SELENOF: variants seen among roughly 807,000 people sequenced by gnomAD.
SELENOF encodes 15 kDa selenoprotein.
Under a neutral mutation model 20.5 loss-of-function variants are expected in SELENOF, and 16 were observed. That is an observed-to-expected ratio of 0.78 (90% CI 0.53 to 1.19). The LOEUF is 1.19. SELENOF is among the 50% of genes most tolerant of loss of function. The pLI, the probability that SELENOF is intolerant of heterozygous loss-of-function variation, is 0.00. For synonymous variants in SELENOF, 78 were observed against 74.5 expected, an observed-to-expected ratio of 1.05 and a Z score of -0.24; for missense variants, 215 against 194.2, an observed-to-expected ratio of 1.11 and a Z score of -0.64.
At chr1:86,884,346 TAC>T (rs142756978) in intron 2 of SELENOF, among the ~76,000 whole-genome samples, 14,038 of 145,062 alleles carry the variant, frequency 0.097, 667 homozygotes, top group Middle Eastern at 0.16. Flanking sequence ...CGCACATACA[TAC>T]ACACACACAC....
intron 3 of SELENOF, among the ~76,000 whole-genome samples, chr1:86,874,958 G>A (rs1422046534): frequency 6.6e-6 from 1 of 152,162 alleles, no homozygotes; most frequent in Non-Finnish European, 1.5e-5. Flanking sequence ...AATTGGCTGG[G>A]CATGGTGGCT....
chr1:86,873,004 G>A (rs1475354607), intron 3 of SELENOF, among the ~76,000 whole-genome samples: 2 of 151,286 alleles, frequency 1.3e-5, no homozygotes, highest in South Asian at 2.1e-4. Flanking sequence ...CACTGCAAGC[G>A]CCACTGCACT....
intron 4 of SELENOF, among the ~76,000 whole-genome samples, chr1:86,865,891 T>C (rs1658576328): frequency 6.6e-6 from 1 of 152,006 alleles, no homozygotes; most frequent in East Asian, 1.9e-4. Context: ...CACTGATGGA[T>C]GCATGGGTAA....
At chr1:86,902,375 C>T (rs528829740) in intron 2 of SELENOF, among the ~76,000 whole-genome samples, 2 of 152,272 alleles carry the variant, frequency 1.3e-5, no homozygotes, top group Admixed American at 1.3e-4. Context: ...CATTTCAAAG[C>T]TTGCCTGCTT....
intron 3 of SELENOF, among the ~76,000 whole-genome samples, chr1:86,871,326 T>A (rs1234463966): frequency 6.6e-6 from 1 of 152,162 alleles, no homozygotes; most frequent in Non-Finnish European, 1.5e-5. Flanking sequence ...AGCAAGGAGA[T>A]CTTAGTATGT....
At chr1:86,879,104 G>A (rs1387979287) in intron 3 of SELENOF, among the ~76,000 whole-genome samples, 1 of 152,056 alleles carries the variant, frequency 6.6e-6, no homozygotes, top group African/African-American at 2.4e-5. Context: ...CAGTATCTAA[G>A]CTACTCTTGA....
Position 86,866,230 on chromosome 1 carries a change from CTGTGTGTGTGTGTGTGTG to C in SELENOF, c.366+1805_366+1822del, listed in dbSNP as rs60714256. On this transcript the variant is annotated intron_variant, in intron 4 of 4. Transcript: ENST00000331835. ...AAAAAAAAAAAAAAAGTGTGTGTCTCTGTGTGTGTGTGTGTGTGTGTGTGTGTGTGTGTGTAGTGGAAT... is the reference window on the plus strand; with the variant it reads ...AAAAAAAAAAAAAAAGTGTGTGTCTCTGTGTGTGTGTGTGTGTAGTGGAAT... Among the ~76,000 whole-genome samples, 784 of 113,676 alleles carry C rather than the reference CTGTGTGTGTGTGTGTGTG, an allele frequency of 6.9e-3. 10 individuals carry two copies. Among genetic ancestry groups the C allele is most frequent in the African/African-American group, 0.025 (752 of 29,726 alleles). 74.6% of individuals were successfully genotyped at this position (113,676 alleles called of 152,430 possible).
intron 4 of SELENOF, among the ~76,000 whole-genome samples, chr1:86,866,751 T>C (rs181866951): frequency 1.3e-5 from 2 of 152,224 alleles, no homozygotes; most frequent in East Asian, 3.9e-4. Context: ...AAAATAACAA[T>C]GAAATATCAT....
intron 2 of SELENOF, among the ~76,000 whole-genome samples, chr1:86,887,507 A>C (rs1659251673): frequency 6.6e-6 from 1 of 152,190 alleles, no homozygotes; most frequent in South Asian, 2.1e-4. Context: ...AGATGCTAAG[A>C]ATACATTGGA....
chr1:86,883,379 CG>C (rs532920371), intron 2 of SELENOF, among the ~76,000 whole-genome samples: 124 of 152,004 alleles, frequency 8.2e-4, no homozygotes, highest in African/African-American at 2.9e-3. Flanking sequence ...TACAACAATG[CG>C]AATGTACTTA....
chr1:86,891,767 A>C (rs758942797), intron 2 of SELENOF, among the ~76,000 whole-genome samples: 2 of 152,180 alleles, frequency 1.3e-5, no homozygotes, highest in Non-Finnish European at 2.9e-5. Context: ...CTTAGGTAAG[A>C]TCTCTATGCC....
chr1:86,868,017 G>T lies in SELENOF; in HGVS notation c.366+36C>A, dbSNP rs751247729. ...TTAATTATAAAATAAAGAAATTAAG[G>T]CTGGAAAAAAGAGATCTCCACTACA... On this transcript the variant is annotated intron_variant, in intron 4 of 4. Coordinates refer to ENST00000331835, the MANE Select transcript of SELENOF (RefSeq NM_004261.5). 9.8e-6 allele frequency: 10 copies of T among 1,016,386 alleles called. No individual in the cohort carries two copies. In the South Asian group the frequency reaches 1.2e-4, roughly 12 times the overall value. The allele number at this position is 1,016,386 out of a possible 1,614,324, so 63.0% of individuals were successfully genotyped here.
chr1:86,865,353 G>A (rs921305167), intron 4 of SELENOF, among the ~76,000 whole-genome samples: 1 of 152,076 alleles, frequency 6.6e-6, no homozygotes, highest in Admixed American at 6.6e-5. Context: ...ACAACCCAGA[G>A]AAGGGGAGAA....
chr1:86,889,794 C>T (rs1292905037), intron 2 of SELENOF, among the ~76,000 whole-genome samples: 4 of 152,164 alleles, frequency 2.6e-5, no homozygotes, highest in Non-Finnish European at 5.9e-5. Context: ...CCACTTACCC[C>T]TTTTCTCTCC....
In SELENOF at chr1:86,863,340, C is replaced by T. The variant is rs368489309; in HGVS notation, c.*134G>A. ...TATCATGGACTATACTGCCATTTCACGATTTAATTAGATATTTAATGCCTC... is the reference window on the plus strand; with the variant it reads ...TATCATGGACTATACTGCCATTTCATGATTTAATTAGATATTTAATGCCTC... On this transcript the variant is annotated 3_prime_UTR_variant, in exon 5 of 5. Transcript: ENST00000331835. 8 of 743,778 alleles carry T rather than the reference C, an allele frequency of 1.1e-5. No individual in the cohort carries two copies. The highest frequency in any genetic ancestry group is 5.4e-5 in the African/African-American group (3 of 55,192). 46.1% of individuals were successfully genotyped at this position (743,778 alleles called of 1,614,324 possible).
chr1:86,876,529 G>A (rs1010176377), intron 3 of SELENOF, among the ~76,000 whole-genome samples: 2 of 151,884 alleles, frequency 1.3e-5, no homozygotes, highest in African/African-American at 4.8e-5. Context: ...ATTGGTTTAA[G>A]GTACCTATGA....
intron 2 of SELENOF, among the ~76,000 whole-genome samples, chr1:86,889,745 G>T (rs1446601159): frequency 6.6e-6 from 1 of 152,006 alleles, no homozygotes; most frequent in Non-Finnish European, 1.5e-5. Flanking sequence ...CCTGTGTTAG[G>T]GTTACCAGTT....
chr1:86,881,195 A>ACTAT (rs2102088802), intron 2 of SELENOF, among the ~76,000 whole-genome samples: 1 of 117,660 alleles, frequency 8.5e-6, no homozygotes, highest in Non-Finnish European at 2.0e-5. Context: ...TATAGAAAGT[A>ACTAT]CTATGTGGAG....
At chr1:86,903,094 T>G (rs1385788574) in intron 2 of SELENOF, among the ~76,000 whole-genome samples, 187 bp downstream of exon 2, 1 of 152,226 alleles carries the variant, frequency 6.6e-6, no homozygotes. Flanking sequence ...GATCCTGGTA[T>G]GCAACCATAC....
Sources: gnomAD v4.1 joint callset for allele counts (sites outside exome capture counted in the v4.1 genomes callset) on GRCh38, gnomAD v4.1.1 for gene constraint, MANE v1.5 for transcripts, NCBI Gene and HGNC (gene_info 2026-07-23, HGNC 2026-07-21) for gene names.